GAGE10: variants seen among roughly 807,000 people sequenced by gnomAD.
The protein encoded by GAGE10 is G antigen 10.
Under a neutral mutation model 11.5 loss-of-function variants are expected in GAGE10, and 9 were observed. The ratio of observed to expected loss-of-function variants is 0.78; its 90% CI spans 0.47 to 1.37. GAGE10 has a LOEUF of 1.37. Ranked by LOEUF, GAGE10 falls within the 40% of genes most tolerant of loss-of-function variation. GAGE10 has a pLI of 0.00. For missense variants in GAGE10, 83 were observed against 92.9 expected, an observed-to-expected ratio of 0.89 and a Z score of 0.44; for synonymous variants, 23 against 29.7, an observed-to-expected ratio of 0.77 and a Z score of 0.73.
At chrX:49,319,506 A>T in intron 4 of GAGE10, among the ~76,000 whole-genome samples, 1 of 114,837 alleles carries the variant, frequency 8.7e-6, no homozygotes. Context: ...ACTTGAAAGG[A>T]AGCACTTGAT....
Position 49,305,475 on chromosome X carries a change from T to A in GAGE10, c.153T>A (p.Asp51Glu). The change falls in exon 3 of 5, where the codon GAT (aspartate) becomes GAA (glutamate). Residue 51 changes from aspartate to glutamate, a missense_variant. By Grantham distance (45) the Asp-to-Glu change is conservative. Around this residue, in one of 3 missense-constraint regions of GAGE10, gnomAD observed 2 missense variants for 32.0 expected, o/e 0.06. Coordinates refer to ENST00000407599, the MANE Select transcript of GAGE10 (RefSeq NM_001098413.4). ...EEGEPATQRQ[D>E]PAAAQEGEDE... Reference sequence around the variant, plus strand: ...GGGAACCAGCAACTCAACGTCAGGATCCTGCAGCTGCTCAGGAGGGAGAGG... The same window carrying A: ...GGGAACCAGCAACTCAACGTCAGGAACCTGCAGCTGCTCAGGAGGGAGAGG... 1 of 1,189,191 alleles carries A rather than the reference T, an allele frequency of 8.4e-7. No homozygotes were observed. The highest frequency in any genetic ancestry group is 1.1e-6 in the Non-Finnish European group (1 of 890,632).
intron 3 of GAGE10, 152 bp from the exon 4 acceptor site, chrX:49,317,011 T>C: frequency 1.3e-6 from 1 of 796,893 alleles, no homozygotes. Flanking sequence ...GCTAACAGAC[T>C]CCTGAAATAA....
chrX:49,316,331 T>C (rs185022332), intron 3 of GAGE10, among the ~76,000 whole-genome samples: 77 of 112,182 alleles, frequency 6.9e-4, no homozygotes, highest in Non-Finnish European at 1.3e-3. Context: ...CATGTTTTAA[T>C]TGAATAACTG....
intron 3 of GAGE10, among the ~76,000 whole-genome samples, chrX:49,313,286 G>A (rs1557124910): frequency 8.9e-6 from 1 of 111,761 alleles, no homozygotes; most frequent in African/African-American, 3.3e-5. Context: ...CGGATGAACC[G>A]GACACTCAAA....
At chrX:49,310,544 C>T (rs1291839077) in intron 3 of GAGE10, among the ~76,000 whole-genome samples, 1 of 111,633 alleles carries the variant, frequency 9.0e-6, no homozygotes, top group Non-Finnish European at 1.9e-5. Context: ...CACCCAAGAG[C>T]GGCGTTCGGT....
intron 3 of GAGE10, among the ~76,000 whole-genome samples, chrX:49,307,710 G>A (rs2066362523): frequency 8.9e-6 from 1 of 111,849 alleles, no homozygotes; most frequent in Non-Finnish European, 1.9e-5. Context: ...TGTCCAGGCT[G>A]GTCTTGAACT....
At chrX:49,311,255 C>A (rs1461921743) in intron 3 of GAGE10, among the ~76,000 whole-genome samples, 1 of 112,070 alleles carries the variant, frequency 8.9e-6, no homozygotes, top group African/African-American at 3.3e-5. Context: ...ACATTTAAAT[C>A]GGCTGTATGA....
chrX:49,305,007 G>C (rs1164047563), intron 2 of GAGE10, 67 bp downstream of exon 2: 1 of 1,113,236 alleles, frequency 9.0e-7, no homozygotes, highest in Non-Finnish European at 1.2e-6. Flanking sequence ...CAGTATTGTT[G>C]CATTAGTATG....
chrX:49,304,054 G>T (rs1188230122), intron 1 of GAGE10, among the ~76,000 whole-genome samples: 1 of 112,188 alleles, frequency 8.9e-6, no homozygotes, highest in Non-Finnish European at 1.9e-5. Flanking sequence ...TGAAGAAGGG[G>T]CGATTGCTGG....
chrX:49,314,322 A>G (rs1470536515), intron 3 of GAGE10, among the ~76,000 whole-genome samples: 8 of 112,542 alleles, frequency 7.1e-5, no homozygotes, highest in African/African-American at 2.6e-4. Context: ...CAATGGTTTA[A>G]CACAAGAGAG....
chrX:49,312,852 T>C (rs1338560759), intron 3 of GAGE10, among the ~76,000 whole-genome samples: 1 of 112,683 alleles, frequency 8.9e-6, no homozygotes, highest in African/African-American at 3.2e-5. Context: ...GGCATTTCTA[T>C]GTGCCACGGC....
At chrX:49,315,154 T>C (rs1339920471) in intron 3 of GAGE10, among the ~76,000 whole-genome samples, 1 of 112,018 alleles carries the variant, frequency 8.9e-6, no homozygotes, top group Non-Finnish European at 1.9e-5. Flanking sequence ...CTGGCCTATA[T>C]TGGATCTGTG....
intron 3 of GAGE10, among the ~76,000 whole-genome samples, chrX:49,309,743 C>G (rs782677086): frequency 3.6e-5 from 4 of 111,866 alleles, no homozygotes; most frequent in Non-Finnish European, 7.5e-5. Context: ...AATCTACCCC[C>G]CTTTACTAAG....
chrX:49,317,297 T>C lies in GAGE10; in HGVS notation c.328+9T>C. On this transcript the variant is annotated intron_variant, in intron 4 of 4. Transcript: ENST00000407599. ...GAAAAGGCCTGAAGAAGGTAGGGAA[T>C]CCATTAGGCATGCACATTGTAGGGT... The C allele has an allele frequency of 8.3e-7, 1 of 1,200,864 alleles. No homozygotes were observed. The highest frequency in any genetic ancestry group is 1.8e-5 in the South Asian group (1 of 56,732).
intron 4 of GAGE10, among the ~76,000 whole-genome samples, chrX:49,317,617 G>A (rs2066398775): frequency 9.6e-6 from 1 of 104,509 alleles, no homozygotes; most frequent in Non-Finnish European, 2.0e-5. Context: ...GAAATTGCCA[G>A]GATTACATGC....
intron 3 of GAGE10, among the ~76,000 whole-genome samples, chrX:49,312,258 G>A (rs2066378264): frequency 8.9e-6 from 1 of 112,426 alleles, no homozygotes; most frequent in African/African-American, 3.2e-5. Flanking sequence ...TGAGGCTCAA[G>A]CCTTACCTTC....
At chrX:49,306,364 A>G (rs1157866093) in intron 3 of GAGE10, among the ~76,000 whole-genome samples, 2 of 111,944 alleles carry the variant, frequency 1.8e-5, no homozygotes, top group Non-Finnish European at 3.8e-5. Context: ...GTGATTCACA[A>G]ACAATGTTAT....
chrX:49,314,274 C>T (rs2066384251), intron 3 of GAGE10, among the ~76,000 whole-genome samples: 1 of 112,124 alleles, frequency 8.9e-6, no homozygotes, highest in African/African-American at 3.2e-5. Flanking sequence ...GTACAGGAAT[C>T]AAGTTAAGAA....
At position 49,317,202 on chromosome X, in the gene GAGE10, C is replaced by G; in HGVS notation, c.242C>G (p.Pro81Arg). 1.7e-6 allele frequency: 2 copies of G among 1,207,159 alleles called. No homozygotes were observed. Among genetic ancestry groups the G allele is most frequent in the South Asian group, 1.8e-5 (1 of 56,854 alleles). ...PEADSQEQVH[P>R]KTGCECGDGP... ...GCTGATAGCCAGGAACAGGTTCACC[C>G]AAAGACTGGGTGTGAGTGTGGAGAT... is the stretch of plus-strand genomic sequence containing the variant. The change falls in exon 4 of 5, where the codon CCA becomes CGA. Residue 81 changes from proline to arginine, a missense_variant. By Grantham distance (103) the Pro-to-Arg change is moderately radical. Transcript: ENST00000407599.
Sources: allele counts gnomAD v4.1 joint callset (sites outside exome capture counted in the v4.1 genomes callset), GRCh38; gene constraint gnomAD v4.1.1; regional missense constraint gnomAD v4.1.1; transcripts MANE v1.5; gene names NCBI Gene and HGNC (gene_info 2026-07-23, HGNC 2026-07-21).